The following RAB28 variants were observed in gnomAD, a reference collection of about 807,000 sequenced individuals.
RAB28 encodes the protein RAB28, member RAS oncogene family.
RAB28 carries 24 observed loss-of-function variants against 31.7 expected under a neutral mutation model. The observed-to-expected ratio is 0.76, with a 90% CI of 0.55 to 1.06. The LOEUF (loss-of-function observed/expected upper bound fraction) is 1.06. Among genes scored for constraint, RAB28 ranks in the 50% least tolerant of loss-of-function variants. The probability of loss-of-function intolerance (pLI) is 0.00; values close to 1 mark genes in which losing one functional copy is unlikely to be tolerated. For synonymous variants in RAB28, 100 were observed against 90.4 expected, an observed-to-expected ratio of 1.11 and a Z score of -0.60; for missense variants, 254 against 258.5, an observed-to-expected ratio of 0.98 and a Z score of 0.12.
At chr4:13,420,786 C>G (rs1713087586) in intron 4 of RAB28, among the ~76,000 whole-genome samples, 1 of 152,036 alleles carries the variant, frequency 6.6e-6, no homozygotes, top group Non-Finnish European at 1.5e-5. Flanking sequence ...TATGACAAAC[C>G]CACAGCCAAT....
intron 4 of RAB28, among the ~76,000 whole-genome samples, chr4:13,411,084 T>C (rs912240348): frequency 6.6e-6 from 1 of 152,040 alleles, no homozygotes; most frequent in African/African-American, 2.4e-5. Context: ...AAAAAAATCC[T>C]ATAAACTCAA....
At chr4:13,376,467 G>A in intron 6 of RAB28, 78 bp downstream of exon 6, 2 of 1,030,034 alleles carry the variant, frequency 1.9e-6, no homozygotes, top group Non-Finnish European at 2.9e-6. Flanking sequence ...GGCATAAATG[G>A]GAAAGAATTT....
intron 2 of RAB28, among the ~76,000 whole-genome samples, chr4:13,477,823 C>A (rs1716433567): frequency 1.3e-5 from 2 of 151,194 alleles, no homozygotes; most frequent in Non-Finnish European, 3.0e-5. Flanking sequence ...ATATTTTTTA[C>A]AAAGTAATCA....
intron 4 of RAB28, among the ~76,000 whole-genome samples, chr4:13,399,977 T>A (rs1711651142): frequency 6.6e-6 from 1 of 152,226 alleles, no homozygotes; most frequent in Non-Finnish European, 1.5e-5. Context: ...GATATTCTTT[T>A]ATTTTTTTAT....
At chr4:13,382,660 C>G (rs146034549) in intron 4 of RAB28, among the ~76,000 whole-genome samples, 2,101 of 150,744 alleles carry the variant, frequency 0.014, 46 homozygotes, top group African/African-American at 0.048. Flanking sequence ...ATTCCTGAGC[C>G]CCATTTATAT....
chr4:13,482,587 G>A (rs1716656791), intron 1 of RAB28, among the ~76,000 whole-genome samples: 1 of 152,058 alleles, frequency 6.6e-6, no homozygotes, highest in African/African-American at 2.4e-5. Flanking sequence ...ATTGAATAAA[G>A]GTGTTAGAAA....
At chr4:13,479,315 T>A (rs28377244) in intron 2 of RAB28, 115 bp downstream of exon 2, 23,022 of 688,682 alleles carry the variant, frequency 0.033, 1,365 homozygotes, top group African/African-American at 0.21. Flanking sequence ...AAATTTACTG[T>A]TTATATACAT....
rs372593773 is a variant in RAB28, at chr4:13,404,451, G to C, written c.392-22857C>G. Among the ~76,000 whole-genome samples the C allele has an allele frequency of 1.3e-5, 2 of 152,016 alleles. 1 individual carries two copies. Among genetic ancestry groups the C allele is most frequent in the South Asian group, 4.1e-4 (2 of 4,826 alleles). On this transcript the variant is annotated intron_variant, in intron 4 of 6. Coordinates refer to ENST00000330852, the MANE Select transcript of RAB28 (RefSeq NM_001017979.3). ...GTTACAAGTAAAGATATTCCTAACA[G>C]AAAACCACTTTTGAAAGAGGAACAA... is the stretch of plus-strand genomic sequence containing the variant.
intron 5 of RAB28, among the ~76,000 whole-genome samples, chr4:13,380,955 A>G (rs1729103467): frequency 6.6e-6 from 1 of 151,930 alleles, no homozygotes; most frequent in Non-Finnish European, 1.5e-5. Context: ...TTATTTCTAT[A>G]TTATAATCTT....
intron 4 of RAB28, among the ~76,000 whole-genome samples, chr4:13,385,718 C>T (rs1729340961): frequency 6.6e-6 from 1 of 152,160 alleles, no homozygotes; most frequent in African/African-American, 2.4e-5. Flanking sequence ...TCAACCACTA[C>T]AAAAACACAC....
rs188896367 is a variant in RAB28, at chr4:13,479,264, C to A, written c.172+166G>T. Among the ~76,000 whole-genome samples, 399 of 151,662 alleles carry A rather than the reference C, an allele frequency of 2.6e-3. 9 individuals carry two copies. Among genetic ancestry groups the A allele is most frequent in the Admixed American group, 0.023 (349 of 15,230 alleles). ...TTTTCTTATACCCATGGACAATATG[C>A]TTTCATGATAGATTGTGATGAAAGT... On this transcript the variant is annotated intron_variant, in intron 2 of 6. Transcript: ENST00000330852.
At chr4:13,461,148 G>GAAAAGGCTAC (rs1396898858) in intron 3 of RAB28, among the ~76,000 whole-genome samples, 1 of 152,182 alleles carries the variant, frequency 6.6e-6, no homozygotes, top group Non-Finnish European at 1.5e-5. Context: ...CAAAGAAGTA[G>GAAAAGGCTAC]AAAAGGCTAC....
intron 4 of RAB28, among the ~76,000 whole-genome samples, chr4:13,437,773 A>G (rs1340008325): frequency 6.6e-6 from 1 of 152,180 alleles, no homozygotes; most frequent in Non-Finnish European, 1.5e-5. Flanking sequence ...TTCAACCTCT[A>G]CAGAAAACTG....
chr4:13,422,374 T>C (rs1327032948), intron 4 of RAB28, among the ~76,000 whole-genome samples: 2 of 152,198 alleles, frequency 1.3e-5, no homozygotes, highest in African/African-American at 2.4e-5. Flanking sequence ...GAATTACCAT[T>C]TGACCCAGCC....
intron 4 of RAB28, among the ~76,000 whole-genome samples, chr4:13,430,439 C>T (rs1713751468): frequency 6.6e-6 from 1 of 152,152 alleles, no homozygotes; most frequent in African/African-American, 2.4e-5. Context: ...GGTGGGGGTG[C>T]TTCTCCACTC....
intron 4 of RAB28, among the ~76,000 whole-genome samples, chr4:13,401,198 C>A (rs1177987347): frequency 6.6e-6 from 1 of 152,114 alleles, no homozygotes; most frequent in Non-Finnish European, 1.5e-5. Context: ...CCACAGTATT[C>A]TTTGTAGTAT....
intron 6 of RAB28, chr4:13,370,775 T>TA (rs560392888): frequency 0.022 from 21,027 of 936,614 alleles, 158 homozygotes; most frequent in Middle Eastern, 0.038. Flanking sequence ...GCAGGTCATG[T>TA]AAAAAAAAAA....
rs1365061693 is a variant in RAB28, at chr4:13,477,017, T to C, written c.172+2413A>G. ...TACTTAAAGTGCTGCATAGTCAAGA[T>C]GGAACTAAAAACACAAGTCTGCCCA... is the stretch of plus-strand genomic sequence containing the variant. On this transcript the variant is annotated intron_variant, in intron 2 of 6. Coordinates refer to ENST00000330852, the MANE Select transcript of RAB28 (RefSeq NM_001017979.3). 2.6e-5 allele frequency among the ~76,000 whole-genome samples: 4 copies of C among 151,474 alleles called. No individual in the cohort carries two copies. The South Asian group carries it at 8.3e-4, about 31-fold the overall frequency.
At chr4:13,458,311 A>T (rs879431745) in intron 4 of RAB28, among the ~76,000 whole-genome samples, 1 of 151,690 alleles carries the variant, frequency 6.6e-6, no homozygotes, top group South Asian at 2.1e-4. Context: ...TTTTAAATTA[A>T]GCTTGAACTT....
Sources: allele counts gnomAD v4.1 joint callset (sites outside exome capture counted in the v4.1 genomes callset), GRCh38; gene constraint gnomAD v4.1.1; transcripts MANE v1.5; gene names NCBI Gene and HGNC (gene_info 2026-07-23, HGNC 2026-07-21).